The following SLC8A1 variants were observed in gnomAD, a reference collection of about 807,000 sequenced individuals.
SLC8A1 encodes sodium/calcium exchanger 1.
A neutral mutation model predicts 68.3 loss-of-function variants in SLC8A1; 18 were observed. That is an observed-to-expected ratio of 0.26 (90% CI 0.18 to 0.39). SLC8A1 has a LOEUF of 0.39. Ranked by LOEUF, SLC8A1 falls within the 10% of genes least tolerant of loss-of-function variation. The pLI, the probability that SLC8A1 is intolerant of heterozygous loss-of-function variation, is 1.00. For missense variants in SLC8A1, 985 were observed against 1,156.7 expected (o/e 0.85, Z 2.15); for synonymous variants, 475 against 415.5 (o/e 1.14, Z -1.74).
chr2:40,485,178 G>A (rs1441313417), intron 1 of SLC8A1, among the ~76,000 whole-genome samples: 2 of 152,044 alleles, frequency 1.3e-5, no homozygotes, highest in East Asian at 3.9e-4. Context: ...CCACCTTCAC[G>A]CCGCAGACAA....
intron 1 of SLC8A1, among the ~76,000 whole-genome samples, chr2:40,497,065 A>G (rs1368168976): frequency 5.3e-5 from 8 of 149,994 alleles, no homozygotes; most frequent in Non-Finnish European, 2.9e-5. Flanking sequence ...CCTAAAACTT[A>G]AAGTACAATA....
chr2:40,305,095 A>G (rs989070811), intron 2 of SLC8A1, among the ~76,000 whole-genome samples: 1 of 152,234 alleles, frequency 6.6e-6, no homozygotes, highest in Non-Finnish European at 1.5e-5. Flanking sequence ...CTGCTGGTCC[A>G]TGGATTGCAT....
chr2:40,298,593 C>T (rs960291509), intron 2 of SLC8A1, among the ~76,000 whole-genome samples: 3 of 152,028 alleles, frequency 2.0e-5, no homozygotes, highest in Admixed American at 2.0e-4. Flanking sequence ...TTAATCTTCT[C>T]GATTAGTTCC....
chr2:40,130,558 C>G (rs1284618537), intron 7 of SLC8A1, among the ~76,000 whole-genome samples: 1 of 152,338 alleles, frequency 6.6e-6, no homozygotes, highest in East Asian at 1.9e-4. Flanking sequence ...GACTGCAGAT[C>G]TGAGGGTCCA....
intron 2 of SLC8A1, among the ~76,000 whole-genome samples, chr2:40,421,186 C>A (rs1038531501): frequency 5.9e-5 from 9 of 152,064 alleles, no homozygotes; most frequent in African/African-American, 2.2e-4. Flanking sequence ...TCTAGAACCA[C>A]CACCATTCCA....
exon 7 of SLC8A1, chr2:40,139,425 C>T (rs768981056): frequency 2.5e-6 from 4 of 1,614,092 alleles, no homozygotes; most frequent in Non-Finnish European, 3.4e-6. Context: ...CCAAGTGCGA[C>T]GAACACGACT....
intron 2 of SLC8A1, among the ~76,000 whole-genome samples, chr2:40,228,795 C>G (rs549675865): frequency 6.6e-6 from 1 of 152,100 alleles, no homozygotes; most frequent in Non-Finnish European, 1.5e-5. Flanking sequence ...GACTTGATCA[C>G]CAATCCAAGG....
intron 2 of SLC8A1, among the ~76,000 whole-genome samples, chr2:40,248,310 C>T (rs1172183402): frequency 6.6e-6 from 1 of 152,130 alleles, no homozygotes; most frequent in East Asian, 1.9e-4. Context: ...AGGTTGAAAT[C>T]CTAACTCCCA....
chr2:40,423,947 A>G (rs1293069706), intron 2 of SLC8A1, among the ~76,000 whole-genome samples: 1 of 151,998 alleles, frequency 6.6e-6, no homozygotes, highest in Non-Finnish European at 1.5e-5. Flanking sequence ...AAGATAATCC[A>G]CTAAAGCAGA....
chr2:40,467,510 TGGCAGCTGCTATTGTTGTCTCC>T (rs1703759887), intron 1 of SLC8A1, among the ~76,000 whole-genome samples: 2 of 152,298 alleles, frequency 1.3e-5, no homozygotes, highest in African/African-American at 4.8e-5. Flanking sequence ...TTAAAAACAT[TGGCAGCTGCTATTGTTGTCTCC>T]TTTTATGTTC....
intron 1 of SLC8A1, among the ~76,000 whole-genome samples, chr2:40,482,787 C>G (rs1704715745): frequency 1.4e-5 from 2 of 146,262 alleles, no homozygotes; most frequent in African/African-American, 2.6e-5. Context: ...CCACAGTTAG[C>G]ACTTTTTTTT....
chr2:40,487,060 C>T (rs1159171215), intron 1 of SLC8A1, among the ~76,000 whole-genome samples: 1 of 151,962 alleles, frequency 6.6e-6, no homozygotes, highest in African/African-American at 2.4e-5. Context: ...GTAATACTGC[C>T]TTTAATAAAG....
At chr2:40,390,069 TTGTAA>T (rs1474431515) in intron 2 of SLC8A1, among the ~76,000 whole-genome samples, 1 of 152,078 alleles carries the variant, frequency 6.6e-6, no homozygotes, top group Non-Finnish European at 1.5e-5. Flanking sequence ...TATAGATATG[TTGTAA>T]TGTATTATTA....
chr2:40,437,529 G>C (rs1699673427), intron 1 of SLC8A1, among the ~76,000 whole-genome samples: 1 of 152,100 alleles, frequency 6.6e-6, no homozygotes, highest in Non-Finnish European at 1.5e-5. Flanking sequence ...AAAAGCAAAT[G>C]AAGAAAGAAT....
chr2:40,480,065 G>C (rs1199477640), intron 1 of SLC8A1, among the ~76,000 whole-genome samples: 1 of 152,110 alleles, frequency 6.6e-6, no homozygotes, highest in Non-Finnish European at 1.5e-5. Context: ...ACTGGAAACA[G>C]TGCACGTTTA....
At position 40,178,119 on chromosome 2, in the gene SLC8A1, T is replaced by C. The variant is rs538232425; in HGVS notation, c.1809-264A>G. ...CATTTTGGGGTATTTTGGCATGGCA[T>C]TGCATGGCATCTGCAGCAACTTTCC... On this transcript the variant is annotated intron_variant, in intron 2 of 7. Transcript: ENST00000406785. Among the ~76,000 whole-genome samples the C allele has an allele frequency of 4.6e-5, 7 of 152,332 alleles. 1 individual carries two copies. The South Asian group carries it at 8.3e-4, about 18-fold the overall frequency.
intron 7 of SLC8A1, among the ~76,000 whole-genome samples, chr2:40,124,276 C>A (rs1415601089): frequency 1.4e-4 from 21 of 152,204 alleles, no homozygotes; most frequent in Non-Finnish European, 1.5e-5. Flanking sequence ...TGGATCTAGA[C>A]AATACACCGA....
At chr2:40,402,159 G>A (rs749428484) in intron 2 of SLC8A1, among the ~76,000 whole-genome samples, 3 of 152,268 alleles carry the variant, frequency 2.0e-5, no homozygotes, top group Non-Finnish European at 2.9e-5. Flanking sequence ...AACCAAGATG[G>A]TGGCGAAAGT....
At chr2:40,345,089 G>C (rs561634610) in intron 2 of SLC8A1, among the ~76,000 whole-genome samples, 2 of 152,270 alleles carry the variant, frequency 1.3e-5, no homozygotes, top group South Asian at 4.1e-4. Flanking sequence ...AATGCCAAGA[G>C]TCTTCATTCT....
Sources: gnomAD v4.1 joint callset for allele counts (sites outside exome capture counted in the v4.1 genomes callset) on GRCh38, gnomAD v4.1.1 for gene constraint, MANE v1.5 for transcripts, NCBI Gene and HGNC (gene_info 2026-07-23, HGNC 2026-07-21) for gene names.